SNTB1: variants seen among roughly 807,000 people sequenced by gnomAD.
SNTB1 encodes beta-1-syntrophin.
SNTB1 carries 36 observed loss-of-function variants against 48.9 expected under a neutral mutation model. The ratio of observed to expected loss-of-function variants is 0.74; its 90% CI spans 0.56 to 0.97. The LOEUF (loss-of-function observed/expected upper bound fraction) is 0.97. SNTB1 is among the 50% of genes least tolerant of loss of function. The pLI is 0.00. For missense variants in SNTB1, 786 were observed against 703.4 expected (o/e 1.12, Z -1.33); for synonymous variants, 299 against 294.6 (o/e 1.01, Z -0.15).
chr8:120,553,609 T>A (rs941002467), intron 4 of SNTB1, among the ~76,000 whole-genome samples: 7 of 152,300 alleles, frequency 4.6e-5, no homozygotes, highest in African/African-American at 1.7e-4. Flanking sequence ...TAAATGTAAC[T>A]CAAGGATGTT....
At chr8:120,540,184 G>T (rs148529190) in intron 6 of SNTB1, among the ~76,000 whole-genome samples, 4 of 152,298 alleles carry the variant, frequency 2.6e-5, no homozygotes, top group East Asian at 1.9e-4. Context: ...CTCAGAAAGA[G>T]AACCCAGGTC....
chr8:120,564,322 C>T (rs934141063), intron 4 of SNTB1, among the ~76,000 whole-genome samples: 1 of 152,048 alleles, frequency 6.6e-6, no homozygotes, highest in African/African-American at 2.4e-5. Flanking sequence ...TGCATTCTCC[C>T]TCCATGCACG....
At chr8:120,572,876 T>C (rs1244214373) in intron 4 of SNTB1, among the ~76,000 whole-genome samples, 2 of 152,064 alleles carry the variant, frequency 1.3e-5, no homozygotes, top group African/African-American at 2.4e-5. Context: ...GATAGCACCA[T>C]TGCACTCCAG....
chr8:120,651,018 G>C (rs1324812331), intron 2 of SNTB1, among the ~76,000 whole-genome samples: 1 of 152,140 alleles, frequency 6.6e-6, no homozygotes, highest in African/African-American at 2.4e-5. Flanking sequence ...CTTGTCTATT[G>C]AGATTATTGA....
At chr8:120,659,792 T>C (rs994695421) in intron 2 of SNTB1, among the ~76,000 whole-genome samples, 2 of 152,210 alleles carry the variant, frequency 1.3e-5, no homozygotes, top group African/African-American at 2.4e-5. Flanking sequence ...CATGATCACA[T>C]CTTAAATAAT....
intron 4 of SNTB1, among the ~76,000 whole-genome samples, chr8:120,563,290 C>T (rs1025709130): frequency 2.0e-5 from 3 of 146,792 alleles, no homozygotes; most frequent in East Asian, 2.0e-4. Flanking sequence ...GTGAGCATAC[C>T]TTTTTTTTTT....
At chr8:120,614,027 G>A (rs546351120) in intron 3 of SNTB1, among the ~76,000 whole-genome samples, 1 of 152,194 alleles carries the variant, frequency 6.6e-6, no homozygotes, top group South Asian at 2.1e-4. Context: ...ACTGTCAGTG[G>A]TTTGCCCAAG....
At chr8:120,627,612 G>A (rs1487955272) in intron 3 of SNTB1, among the ~76,000 whole-genome samples, 2 of 152,144 alleles carry the variant, frequency 1.3e-5, no homozygotes, top group Non-Finnish European at 2.9e-5. Context: ...GATATAGGAT[G>A]GATATGGATA....
At chr8:120,669,060 A>G (rs189108405) in intron 2 of SNTB1, among the ~76,000 whole-genome samples, 74 of 152,336 alleles carry the variant, frequency 4.9e-4, no homozygotes, top group Non-Finnish European at 9.6e-4. Flanking sequence ...ACAACCATCA[A>G]CCATCTCCAT....
chr8:120,811,628 G>C lies in SNTB1; in HGVS notation c.216C>G (p.Ala72=), dbSNP rs751257461. 6 of 1,591,810 alleles carry C rather than the reference G, an allele frequency of 3.8e-6. No individual in the cohort carries two copies. Among genetic ancestry groups the C allele is most frequent in the Middle Eastern group, 1.7e-4 (1 of 5,862 alleles). The change falls in exon 1 of 7, where the codon GCC becomes GCG. Residue 72 remains alanine, a synonymous_variant. Transcript: ENST00000517992. The part of the protein sequence containing the change: ...TATNGSFCRG[A]GAGHPGAGGA... ...CGCCCGCGCCCGGGTGCCCAGCCCC[G>C]GCGCCCCTGCAGAACGAGCCATTGG...
At chr8:120,769,884 C>T (rs765469991) in intron 1 of SNTB1, among the ~76,000 whole-genome samples, 2 of 152,188 alleles carry the variant, frequency 1.3e-5, no homozygotes, top group African/African-American at 4.8e-5. Flanking sequence ...CTAAAGAATG[C>T]TCACTGTATG....
chr8:120,594,373 G>T (rs1233824222), intron 3 of SNTB1, among the ~76,000 whole-genome samples: 1 of 152,160 alleles, frequency 6.6e-6, no homozygotes, highest in Non-Finnish European at 1.5e-5. Flanking sequence ...AAGTAGCTGG[G>T]ATTACAGGCA....
At chr8:120,588,832 T>G (rs1315214936) in intron 3 of SNTB1, among the ~76,000 whole-genome samples, 1 of 152,214 alleles carries the variant, frequency 6.6e-6, no homozygotes, top group Non-Finnish European at 1.5e-5. Flanking sequence ...TTCAGAAGCC[T>G]GCTCCTCCTA....
At chr8:120,710,780 C>T (rs1818448699) in intron 1 of SNTB1, among the ~76,000 whole-genome samples, 1 of 152,216 alleles carries the variant, frequency 6.6e-6, no homozygotes, top group Non-Finnish European at 1.5e-5. Flanking sequence ...CAGTCTTGGA[C>T]TTCCCAGCCT....
chr8:120,682,580 T>C (rs1175656433), intron 2 of SNTB1, among the ~76,000 whole-genome samples: 1 of 152,178 alleles, frequency 6.6e-6, no homozygotes, highest in African/African-American at 2.4e-5. Flanking sequence ...AAATGCAGAG[T>C]GCCCACACTG....
chr8:120,714,108 C>T lies in SNTB1; in HGVS notation c.572-20200G>A, dbSNP rs571189751. Among the ~76,000 whole-genome samples, 12 of 152,226 alleles carry T rather than the reference C, an allele frequency of 7.9e-5. No homozygotes were observed. The South Asian group carries it at 2.5e-3, about 32-fold the overall frequency. ...CCATACCAGAAACATGTAAATTTGG[C>T]TTGTTTGGTCAAGCTGAGTTGGATT... On this transcript the variant is annotated intron_variant, in intron 1 of 6. Coordinates refer to ENST00000517992, the MANE Select transcript of SNTB1 (RefSeq NM_021021.4).
At chr8:120,634,791 G>GAAGAGAGATGATTTGGA (rs1817046067) in intron 2 of SNTB1, among the ~76,000 whole-genome samples, 1 of 151,974 alleles carries the variant, frequency 6.6e-6, no homozygotes, top group Admixed American at 6.6e-5. Flanking sequence ...TTAAGTTGTA[G>GAAGAGAGATGATTTGGA]AAGAGAGATG....
At chr8:120,689,703 C>T (rs537751624) in intron 2 of SNTB1, among the ~76,000 whole-genome samples, 3 of 151,726 alleles carry the variant, frequency 2.0e-5, no homozygotes, top group Non-Finnish European at 2.9e-5. Context: ...TTTATAGTTC[C>T]CTTTTGACCC....
chr8:120,632,577 G>C lies in SNTB1; in HGVS notation c.863C>G (p.Ala288Gly), dbSNP rs199924843. 26 of 1,614,152 alleles carry C rather than the reference G, an allele frequency of 1.6e-5. No individual in the cohort carries two copies. The highest frequency in any genetic ancestry group is 3.3e-5 in the Admixed American group (2 of 60,012). Residue 288 changes from alanine (A) to glycine (G), a missense_variant, in exon 3 of 7, where the codon GCA (alanine) becomes GGA (glycine). Physicochemically the swap from Ala to Gly is moderately conservative, Grantham distance 60 (BLOSUM62 0). Coordinates refer to ENST00000517992, the MANE Select transcript of SNTB1 (RefSeq NM_021021.4). ...GTTGGAATGGATGGCACTGAACCAT[G>C]CCTGGGCCGTGGCTGAGTCCTTGCT... Reference protein sequence around the residue: ...LRSKDSATAQAWFSAIHSNVN... With the variant: ...LRSKDSATAQGWFSAIHSNVN...
Sources: gnomAD v4.1 joint callset for allele counts (sites outside exome capture counted in the v4.1 genomes callset) on GRCh38, gnomAD v4.1.1 for gene constraint, MANE v1.5 for transcripts, NCBI Gene and HGNC (gene_info 2026-07-23, HGNC 2026-07-21) for gene names.